Variants in ACTR3C observed in about 807,000 individuals in gnomAD.
ACTR3C encodes the protein actin-related protein 3C.
ACTR3C carries 18 observed loss-of-function variants against 26.3 expected under a neutral mutation model. The ratio of observed to expected loss-of-function variants is 0.68; its 90% confidence interval spans 0.47 to 1.01. ACTR3C has a LOEUF of 1.01. Among genes scored for constraint, ACTR3C ranks in the 50% least tolerant of loss-of-function variants. ACTR3C has a pLI of 0.00. For synonymous variants in ACTR3C, 55 were observed against 94.5 expected, an observed-to-expected ratio of 0.58 and a Z score of 2.42; for missense variants, 184 against 250.7, an observed-to-expected ratio of 0.73 and a Z score of 1.80.
At chr7:150,071,516 C>T in the ACTR3C span, among the ~76,000 whole-genome samples, 1 of 149,008 alleles carries the variant, frequency 6.7e-6, no homozygotes, top group Admixed American at 6.7e-5. Flanking sequence ...TCATTTAAAT[C>T]GGAAACATGG....
chr7:150,201,483 T>G, the ACTR3C span, among the ~76,000 whole-genome samples: 1 of 152,052 alleles, frequency 6.6e-6, no homozygotes, highest in Admixed American at 6.6e-5. Flanking sequence ...CACAGTGGCT[T>G]ATGGCTATAA....
chr7:149,900,890 G>A, the ACTR3C span, among the ~76,000 whole-genome samples: 12 of 152,034 alleles, frequency 7.9e-5, no homozygotes, highest in East Asian at 5.8e-4. Flanking sequence ...AAAATTAGCC[G>A]GGCGTGGTGG....
the ACTR3C span, among the ~76,000 whole-genome samples, chr7:150,033,825 C>T: frequency 2.6e-5 from 4 of 151,344 alleles, no homozygotes; most frequent in Non-Finnish European, 4.4e-5. Flanking sequence ...GCTCTCAGTC[C>T]CTGCCTCGTG....
the ACTR3C span, among the ~76,000 whole-genome samples, chr7:150,037,717 A>T: frequency 6.2e-4 from 56 of 90,406 alleles, 8 homozygotes; most frequent in Non-Finnish European, 1.8e-4. Context: ...GGGGGTCCTA[A>T]GCCAGGGGGG....
chr7:150,056,205 T>C, the ACTR3C span, among the ~76,000 whole-genome samples: 3 of 152,110 alleles, frequency 2.0e-5, no homozygotes, highest in Non-Finnish European at 4.4e-5. Flanking sequence ...ATACACACAA[T>C]AGATCTTAAA....
At chr7:150,085,958 A>AT in the ACTR3C span, among the ~76,000 whole-genome samples, 5,659 of 148,608 alleles carry the variant, frequency 0.038, 348 homozygotes, top group African/African-American at 0.13. Flanking sequence ...CTAGCCCATG[A>AT]TTTTTTTTTT....
the ACTR3C span, among the ~76,000 whole-genome samples, chr7:150,211,699 C>T: frequency 1.3e-5 from 2 of 150,824 alleles, no homozygotes; most frequent in African/African-American, 2.5e-5. Context: ...GGTGCCCACC[C>T]ACCTGACACA....
the ACTR3C span, among the ~76,000 whole-genome samples, chr7:150,169,403 A>AGAAG: frequency 4.6e-4 from 67 of 145,246 alleles, 1 homozygote; most frequent in African/African-American, 1.9e-3. Context: ...AAAAAAAAAA[A>AGAAG]AAGAAGAAGA....
the ACTR3C span, among the ~76,000 whole-genome samples, chr7:149,990,019 G>T: frequency 1.5e-3 from 222 of 152,176 alleles, 1 homozygote; most frequent in Middle Eastern, 6.8e-3. Context: ...GCGTCAGTGC[G>T]TTGCTCCTTC....
At chr7:150,142,994 G>A in the ACTR3C span, among the ~76,000 whole-genome samples, 86 of 151,652 alleles carry the variant, frequency 5.7e-4, no homozygotes, top group African/African-American at 1.7e-3. Context: ...TCACCTCACC[G>A]GCTAATTTTT....
Position 150,274,222 on chromosome 7 carries a change from G to C in ACTR3C, c.564+10531C>G, listed in dbSNP as rs2907030. ...GCCTCACTAGAAGATGGCATTTATT[G>C]CACTTCGCCCATAATGTGTTTGTTA... On this transcript the variant is annotated intron_variant, in intron 6 of 7. Coordinates refer to ENST00000683684, the MANE Select transcript of ACTR3C (RefSeq NM_001164458.2). This position sits in a 1 kb window ranked among gnomAD's most constrained non-coding sequence, Gnocchi z 4.1. 6.6e-6 allele frequency among the ~76,000 whole-genome samples: 1 copy of C among 152,140 alleles called. No individual in the cohort carries two copies. The highest frequency in any genetic ancestry group is 1.5e-5 in the Non-Finnish European group (1 of 68,030).
At chr7:150,185,644 G>A in the ACTR3C span, among the ~76,000 whole-genome samples, 1 of 151,458 alleles carries the variant, frequency 6.6e-6, no homozygotes, top group Admixed American at 6.6e-5. Flanking sequence ...AATATAAAGG[G>A]TGACTCCTAT....
intron 6 of ACTR3C, among the ~76,000 whole-genome samples, chr7:150,261,405 C>T (rs572276605): frequency 1.4e-4 from 22 of 152,274 alleles, no homozygotes; most frequent in African/African-American, 5.3e-4. Context: ...TATCCTCCAC[C>T]TTTTGCCCAT....
At chr7:150,046,179 C>T in the ACTR3C span, among the ~76,000 whole-genome samples, 16 of 152,134 alleles carry the variant, frequency 1.1e-4, no homozygotes, top group South Asian at 2.1e-3. Flanking sequence ...GGGTGTGTAC[C>T]TGTGTGTGTG....
chr7:150,135,795 G>A, the ACTR3C span, among the ~76,000 whole-genome samples: 3 of 137,086 alleles, frequency 2.2e-5, no homozygotes, highest in African/African-American at 8.4e-5. Flanking sequence ...GAAAGGAAAC[G>A]AAACGAAAGA....
chr7:150,164,275 G>C, the ACTR3C span, among the ~76,000 whole-genome samples: 1 of 152,224 alleles, frequency 6.6e-6, no homozygotes, highest in African/African-American at 2.4e-5. Flanking sequence ...GAGCATATCA[G>C]AGGGTCGAGG....
the ACTR3C span, among the ~76,000 whole-genome samples, chr7:150,201,518 AGGGT>A: frequency 5.3e-5 from 8 of 151,574 alleles, no homozygotes; most frequent in African/African-American, 9.7e-5. Flanking sequence ...GAGGCTGAGG[AGGGT>A]GGATCACCTG....
the ACTR3C span, among the ~76,000 whole-genome samples, chr7:150,026,027 G>A: frequency 6.6e-6 from 1 of 152,100 alleles, no homozygotes; most frequent in Non-Finnish European, 1.5e-5. Context: ...TTTGTAAAAT[G>A]AGAATAATGA....
chr7:150,127,032 A>G, the ACTR3C span, among the ~76,000 whole-genome samples: 1,003 of 152,302 alleles, frequency 6.6e-3, 21 homozygotes, highest in Admixed American at 0.048. Context: ...AAGGTTCTGT[A>G]GTCCACACTC....
Sources: allele counts gnomAD v4.1 joint callset (sites outside exome capture counted in the v4.1 genomes callset), GRCh38; gene constraint gnomAD v4.1.1; non-coding constraint Gnocchi (gnomAD v3.1); transcripts MANE v1.5; gene names NCBI Gene and HGNC (gene_info 2026-07-23, HGNC 2026-07-21).